Variants in PTPRG observed in about 807,000 individuals in gnomAD.
The protein encoded by PTPRG is protein tyrosine phosphatase receptor type G.
A neutral mutation model predicts 165.3 loss-of-function variants in PTPRG; 102 were observed. The observed-to-expected ratio is 0.62, with a 90% CI of 0.53 to 0.73. The LOEUF (loss-of-function observed/expected upper bound fraction) is 0.73, where lower values mean the gene tolerates loss of function less well. Ranked by LOEUF, PTPRG falls within the 30% of genes least tolerant of loss-of-function variation. The pLI, the probability that PTPRG is intolerant of heterozygous loss-of-function variation, is 0.00. For missense variants in PTPRG, 1,866 were observed against 1,861.4 expected, an observed-to-expected ratio of 1.00 and a Z score of -0.05; for synonymous variants, 675 against 669.5, an observed-to-expected ratio of 1.01 and a Z score of -0.13.
intron 1 of PTPRG, among the ~76,000 whole-genome samples, chr3:61,612,621 G>T (rs1309505540): frequency 1.3e-5 from 2 of 152,116 alleles, no homozygotes; most frequent in Non-Finnish European, 1.5e-5. Context: ...AGCCTATTTT[G>T]TTCCTCTGTT....
intron 1 of PTPRG, among the ~76,000 whole-genome samples, chr3:61,590,913 C>T (rs1700553515): frequency 6.6e-6 from 1 of 152,026 alleles, no homozygotes; most frequent in African/African-American, 2.4e-5. Context: ...AGTTCAAGAC[C>T]AGCCTGGCCA....
chr3:62,073,114 A>T (rs1469808655), intron 4 of PTPRG, among the ~76,000 whole-genome samples: 1 of 152,234 alleles, frequency 6.6e-6, no homozygotes, highest in African/African-American at 2.4e-5. Context: ...GATTGAATAA[A>T]TAGAAACAAA....
intron 8 of PTPRG, among the ~76,000 whole-genome samples, chr3:62,184,322 CCCATCTTGAG>C (rs1271395317): frequency 1.3e-5 from 2 of 152,124 alleles, no homozygotes; most frequent in Non-Finnish European, 1.5e-5. Context: ...GTGTGGTTTG[CCCATCTTGAG>C]CTCTTGGGCA....
Position 62,294,008 on chromosome 3 carries a change from T to G in PTPRG, c.*701T>G, listed in dbSNP as rs774461060. 1 of 152,590 alleles carries G rather than the reference T, an allele frequency of 6.6e-6. No individual in the cohort carries two copies. The highest frequency in any genetic ancestry group is 1.5e-5 in the Non-Finnish European group (1 of 68,018). The allele number at this position is 152,590 out of a possible 1,614,324, so 9.5% of individuals were successfully genotyped here. On this transcript the variant is annotated 3_prime_UTR_variant, in exon 30 of 30. Transcript: ENST00000474889. The stretch of plus-strand genomic sequence containing the variant: ...GTCAAAATAAAGGATAACTCTGTAT[T>G]ACAGCTTTCACAGTAGCTATGTGGA...
chr3:61,788,416 C>G (rs1200091203), intron 2 of PTPRG, among the ~76,000 whole-genome samples: 1 of 152,208 alleles, frequency 6.6e-6, no homozygotes, highest in Non-Finnish European at 1.5e-5. Context: ...TAACAACTAT[C>G]ATAATATTAA....
chr3:62,169,574 T>C (rs1000433876), intron 8 of PTPRG, among the ~76,000 whole-genome samples: 15 of 152,076 alleles, frequency 9.9e-5, no homozygotes, highest in African/African-American at 3.6e-4. Context: ...CTGGGATTTA[T>C]CAGAATTGGG....
intron 7 of PTPRG, 151 bp downstream of exon 7, chr3:62,157,375 G>A (rs1330518135): frequency 2.7e-5 from 22 of 801,610 alleles, no homozygotes; most frequent in Non-Finnish European, 3.7e-5. Context: ...ACATGTTTTT[G>A]AACCCAAGAA....
At chr3:61,935,457 A>G (rs1286039291) in intron 2 of PTPRG, among the ~76,000 whole-genome samples, 1 of 152,134 alleles carries the variant, frequency 6.6e-6, no homozygotes, top group African/African-American at 2.4e-5. Flanking sequence ...CCAAAAATAC[A>G]TATTAAACAA....
chr3:61,907,349 A>G (rs1410884505), intron 2 of PTPRG, among the ~76,000 whole-genome samples: 4 of 152,156 alleles, frequency 2.6e-5, no homozygotes, highest in African/African-American at 4.8e-5. Flanking sequence ...TGCCTCCATG[A>G]TCAAGGAAGA....
intron 2 of PTPRG, among the ~76,000 whole-genome samples, chr3:61,925,622 A>T (rs1401669036): frequency 2.0e-5 from 3 of 152,086 alleles, no homozygotes; most frequent in African/African-American, 4.8e-5. Context: ...GTGTGCCTGT[A>T]ATCCCAGCTA....
chr3:61,949,454 G>A (rs1417163227), intron 2 of PTPRG, among the ~76,000 whole-genome samples: 1 of 152,122 alleles, frequency 6.6e-6, no homozygotes, highest in Non-Finnish European at 1.5e-5. Context: ...CATTGGTGGT[G>A]GAGAAACCAC....
intron 2 of PTPRG, among the ~76,000 whole-genome samples, chr3:61,791,094 G>GA (rs1159291153): frequency 6.6e-6 from 1 of 152,106 alleles, no homozygotes; most frequent in African/African-American, 2.4e-5. Context: ...ATGAAACAGG[G>GA]AAGAAGTATG....
At chr3:62,186,679 C>T (rs1699645958) in intron 8 of PTPRG, among the ~76,000 whole-genome samples, 1 of 149,804 alleles carries the variant, frequency 6.7e-6, no homozygotes, top group Non-Finnish European at 1.5e-5. Context: ...TGATCTTCCA[C>T]CTTAGCCTCC....
At chr3:62,031,466 G>T (rs1429455434) in intron 4 of PTPRG, among the ~76,000 whole-genome samples, 1 of 152,184 alleles carries the variant, frequency 6.6e-6, no homozygotes, top group Non-Finnish European at 1.5e-5. Context: ...AGATTACCAT[G>T]ATATGGAGAG....
chr3:62,012,019 C>G (rs2041435105), intron 4 of PTPRG, among the ~76,000 whole-genome samples: 1 of 151,616 alleles, frequency 6.6e-6, no homozygotes, highest in Non-Finnish European at 1.5e-5. Context: ...TGGTGGCCCT[C>G]ACAACCATAT....
chr3:61,800,519 G>A (rs1016482698), intron 2 of PTPRG, among the ~76,000 whole-genome samples: 6 of 152,144 alleles, frequency 3.9e-5, no homozygotes, highest in African/African-American at 1.4e-4. Context: ...AGAGACTTCC[G>A]TATGAGGTTG....
intron 3 of PTPRG, among the ~76,000 whole-genome samples, chr3:61,996,618 T>G (rs2041046273): frequency 6.6e-6 from 1 of 152,214 alleles, no homozygotes; most frequent in Admixed American, 6.5e-5. Flanking sequence ...CCCTGGGGCA[T>G]CTCTGGTTAG....
intron 2 of PTPRG, among the ~76,000 whole-genome samples, chr3:61,908,380 G>T (rs900335543): frequency 7.7e-6 from 1 of 129,150 alleles, no homozygotes; most frequent in Non-Finnish European, 1.5e-5. Flanking sequence ...AGCCGGGATC[G>T]TACTACTGTA....
At chr3:61,939,167 C>T (rs917521845) in intron 2 of PTPRG, among the ~76,000 whole-genome samples, 2 of 152,150 alleles carry the variant, frequency 1.3e-5, no homozygotes, top group East Asian at 3.9e-4. Flanking sequence ...TGTTTAGGAG[C>T]AGTTTTTGCA....
Sources: allele counts gnomAD v4.1 joint callset (sites outside exome capture counted in the v4.1 genomes callset), GRCh38; gene constraint gnomAD v4.1.1; transcripts MANE v1.5; gene names NCBI Gene and HGNC (gene_info 2026-07-23, HGNC 2026-07-21).